Variants in SDC3 observed in about 807,000 individuals in gnomAD.
SDC3 encodes syndecan 3.
Under a neutral mutation model 24.4 loss-of-function variants are expected in SDC3, and 13 were observed. The ratio of observed to expected loss-of-function variants is 0.53; its 90% CI spans 0.35 to 0.85. SDC3 has a LOEUF of 0.85. Among genes scored for constraint, SDC3 ranks in the 40% least tolerant of loss-of-function variants. SDC3 has a pLI of 0.01. For missense variants in SDC3, 571 were observed against 584.5 expected (o/e 0.98, Z 0.24); for synonymous variants, 295 against 260.9 (o/e 1.13, Z -1.26).
At chr1:30,876,193 G>T (rs1305973561) in intron 3 of SDC3, among the ~76,000 whole-genome samples, 2 of 152,142 alleles carry the variant, frequency 1.3e-5, no homozygotes, top group African/African-American at 4.8e-5. Context: ...GGACTGGCCT[G>T]AGGTCCCGTG....
At chr1:30,891,789 A>C (rs1024092632) in intron 1 of SDC3, among the ~76,000 whole-genome samples, 1 of 149,702 alleles carries the variant, frequency 6.7e-6, no homozygotes, top group Non-Finnish European at 1.5e-5. Context: ...GGAGGTGGAG[A>C]TTGCAGTGAG....
At chr1:30,893,390 G>A (rs536683377) in intron 1 of SDC3, among the ~76,000 whole-genome samples, 4 of 146,670 alleles carry the variant, frequency 2.7e-5, no homozygotes, top group South Asian at 2.1e-4. Context: ...TTCCACCAGC[G>A]GGACTGTTCT....
At chr1:30,893,163 A>G (rs1381804745) in intron 1 of SDC3, among the ~76,000 whole-genome samples, 1 of 152,140 alleles carries the variant, frequency 6.6e-6, no homozygotes, top group Non-Finnish European at 1.5e-5. Flanking sequence ...GGGAAGGTGC[A>G]GGGTCAGGGG....
At chr1:30,897,101 G>A (rs1638280392) in intron 1 of SDC3, among the ~76,000 whole-genome samples, 1 of 152,190 alleles carries the variant, frequency 6.6e-6, no homozygotes, top group Non-Finnish European at 1.5e-5. Flanking sequence ...AGGCTTCCTG[G>A]AAGAAGGGTG....
At chr1:30,892,920 C>T (rs77503414) in intron 1 of SDC3, among the ~76,000 whole-genome samples, 1,598 of 152,292 alleles carry the variant, frequency 0.01, 31 homozygotes, top group African/African-American at 0.037. Context: ...CTCCCCTGAG[C>T]CTCCCCCGGC....
rs1639666899 is a variant in SDC3, at chr1:30,877,583, G to T, written c.257-418C>A. 4 of 355,688 alleles carry T rather than the reference G, an allele frequency of 1.1e-5. No individual in the cohort carries two copies. The East Asian group carries it at 1.4e-4, about 13-fold the overall frequency. The allele number at this position is 355,688 out of a possible 1,614,324, so 22.0% of individuals were successfully genotyped here. A position where few individuals can be genotyped will look rare whatever the true frequency, so the allele number is the denominator to read the frequency against. On this transcript the variant is annotated intron_variant, in intron 2 of 4. Coordinates refer to ENST00000339394, the MANE Select transcript of SDC3 (RefSeq NM_014654.4). ...CCCCTACCACAAGCTCAAGGCAGGG[G>T]TGGTACACTAAGGGCTTCCCCCAGA...
At chr1:30,901,628 C>T (rs1283109238) in intron 1 of SDC3, among the ~76,000 whole-genome samples, 1 of 152,040 alleles carries the variant, frequency 6.6e-6, no homozygotes, top group Non-Finnish European at 1.5e-5. Context: ...ACTGGGAGTC[C>T]GGCCCTTGGT....
At position 30,876,842 on chromosome 1, in the gene SDC3, G is replaced by C; in HGVS notation, c.580C>G (p.Pro194Ala). 4 of 1,612,882 alleles carry C rather than the reference G, an allele frequency of 2.5e-6. No individual in the cohort carries two copies. The highest frequency in any genetic ancestry group is 3.4e-6 in the Non-Finnish European group (4 of 1,179,510). Residue 194 changes from proline (P) to alanine (A), a missense_variant, in exon 3 of 5, where the codon CCC (proline) becomes GCC (alanine). By Grantham distance (27) the Pro-to-Ala change is conservative. Around this residue, in one of 2 missense-constraint regions of SDC3, gnomAD observed 497 missense variants for 471.6 expected, o/e 1.05. Coordinates refer to ENST00000339394, the MANE Select transcript of SDC3 (RefSeq NM_014654.4). The part of the protein sequence containing the change: ...ATATPSTPAA[P>A]PFTATTAVIR... ...ACAGCAGTGGTGGCCGTAAAAGGGG[G>C]TGCTGCAGGGGTGCTGGGGGTGGCG...
rs1449491105 is a variant in SDC3, at chr1:30,905,986, C to T, written c.138+2463G>A. Among the ~76,000 whole-genome samples, 3 of 151,924 alleles carry T rather than the reference C, an allele frequency of 2.0e-5. No homozygotes were observed. In the East Asian group the frequency reaches 5.8e-4, roughly 29 times the overall value. ...ACACACACACACACACACACACACA[C>T]ACAAAGGCTGGCAGGTGACCCAAGG... On this transcript the variant is annotated intron_variant, in intron 1 of 4. Transcript: ENST00000339394.
chr1:30,869,536 C>CAAAAAAAAAA lies in SDC3; in HGVS notation c.*3665_*3674dup, dbSNP rs11338317. 40 of 348,112 alleles carry CAAAAAAAAAA rather than the reference C, an allele frequency of 1.1e-4. No individual in the cohort carries two copies. The highest frequency in any genetic ancestry group is 2.9e-4 in the African/African-American group (11 of 38,424). The allele number at this position is 348,112 out of a possible 1,614,324, so 21.6% of individuals were successfully genotyped here. A position where few individuals can be genotyped will look rare whatever the true frequency, so the allele number is the denominator to read the frequency against. ...AGGAAGTGTTAAAAAAACAAACAAA[C>CAAAAAAAAAA]AAAAAAAAAAAAAAAAAAAAAAAAA... On this transcript the variant is annotated 3_prime_UTR_variant, in exon 5 of 5. Coordinates refer to ENST00000339394, the MANE Select transcript of SDC3 (RefSeq NM_014654.4).
At chr1:30,898,356 G>A (rs924637677) in intron 1 of SDC3, among the ~76,000 whole-genome samples, 1 of 152,070 alleles carries the variant, frequency 6.6e-6, no homozygotes, top group African/African-American at 2.4e-5. Context: ...TAGTCTTCAG[G>A]GTCTAAATCA....
chr1:30,908,220 C>T (rs1484354998), intron 1 of SDC3, among the ~76,000 whole-genome samples: 1 of 149,886 alleles, frequency 6.7e-6, no homozygotes, highest in Non-Finnish European at 1.5e-5. Context: ...GCGGGGGCGG[C>T]CTCTCCCCGC....
At chr1:30,891,529 T>C (rs56272456) in intron 1 of SDC3, among the ~76,000 whole-genome samples, 13,692 of 152,160 alleles carry the variant, frequency 0.09, 2,036 homozygotes, top group African/African-American at 0.31. Context: ...AGGCCCTGTC[T>C]TGAGCCTCAA....
intron 1 of SDC3, among the ~76,000 whole-genome samples, chr1:30,886,198 A>G (rs972470786): frequency 3.3e-5 from 5 of 151,574 alleles, no homozygotes; most frequent in Non-Finnish European, 7.4e-5. Flanking sequence ...TTCCTGGAAT[A>G]CCTTTCCCCA....
chr1:30,891,341 G>A (rs971360515), intron 1 of SDC3, among the ~76,000 whole-genome samples: 8 of 152,276 alleles, frequency 5.3e-5, no homozygotes, highest in Middle Eastern at 3.4e-3. Flanking sequence ...CACCAGCTCC[G>A]CCCAGCACAG....
intron 1 of SDC3, among the ~76,000 whole-genome samples, chr1:30,902,346 T>C (rs941794990): frequency 1.1e-4 from 17 of 151,470 alleles, no homozygotes; most frequent in Middle Eastern, 6.8e-3. Context: ...GCTTGGCCAG[T>C]GGGGGAGGGG....
chr1:30,908,156 C>A (rs540308842), intron 1 of SDC3, among the ~76,000 whole-genome samples: 1 of 152,052 alleles, frequency 6.6e-6, no homozygotes, highest in South Asian at 2.1e-4. Context: ...GGGATTCCCT[C>A]TGGGGAGGGG....
At chr1:30,878,466 TC>T in intron 2 of SDC3, 156 bp downstream of exon 2, 1 of 620,824 alleles carries the variant, frequency 1.6e-6, no homozygotes, top group Non-Finnish European at 2.9e-6. Context: ...GTTCTGCCCT[TC>T]TTGTTCTGGG....
intron 3 of SDC3, among the ~76,000 whole-genome samples, chr1:30,875,619 C>G (rs1639625416): frequency 6.6e-6 from 1 of 152,196 alleles, no homozygotes; most frequent in South Asian, 2.1e-4. Flanking sequence ...ACCAGACCAC[C>G]TCTCTCATGT....
Sources: allele counts gnomAD v4.1 joint callset (sites outside exome capture counted in the v4.1 genomes callset), GRCh38; gene constraint gnomAD v4.1.1; regional missense constraint gnomAD v4.1.1; transcripts MANE v1.5; gene names NCBI Gene and HGNC (gene_info 2026-07-23, HGNC 2026-07-21).